Variants in TLN2 observed in about 807,000 individuals in gnomAD.
The protein encoded by TLN2 is talin-2.
In TLN2, 118 loss-of-function variants were observed where a neutral mutation model predicts 294.7. The ratio of observed to expected loss-of-function variants is 0.40; its 90% confidence interval spans 0.34 to 0.47. The LOEUF (loss-of-function observed/expected upper bound fraction) is 0.47, where lower values mean the gene tolerates loss of function less well. TLN2 is among the 20% of genes least tolerant of loss of function. TLN2 has a pLI of 0.84. For synonymous variants in TLN2, 1,431 were observed against 1,304.5 expected, an observed-to-expected ratio of 1.10 and a Z score of -2.09; for missense variants, 3,083 against 3,282.2, an observed-to-expected ratio of 0.94 and a Z score of 1.48.
At chr15:62,622,622 T>C (rs2048930688) in intron 3 of TLN2, among the ~76,000 whole-genome samples, 2 of 152,260 alleles carry the variant, frequency 1.3e-5, no homozygotes, top group African/African-American at 2.4e-5. Context: ...TGAAAAATTT[T>C]ATGTATCCTG....
chr15:62,446,601 C>A (rs1022644378), intron 1 of TLN2, among the ~76,000 whole-genome samples: 1 of 152,168 alleles, frequency 6.6e-6, no homozygotes, highest in Non-Finnish European at 1.5e-5. Context: ...ATCCGTTTTA[C>A]ATCTCTGGAC....
chr15:62,428,417 G>T (rs1432692065), intron 1 of TLN2, among the ~76,000 whole-genome samples: 1 of 152,210 alleles, frequency 6.6e-6, no homozygotes, highest in African/African-American at 2.4e-5. Context: ...TTTGCGTTTA[G>T]TGTAGACGTA....
At chr15:62,718,135 T>C (rs1297686536) in intron 24 of TLN2, among the ~76,000 whole-genome samples, 1 of 152,230 alleles carries the variant, frequency 6.6e-6, no homozygotes, top group Non-Finnish European at 1.5e-5. Flanking sequence ...CTTTGTACTT[T>C]GGTGCTTTTT....
chr15:62,838,070 T>C (rs1001715845), intron 57 of TLN2: 1 of 152,186 alleles, frequency 6.6e-6, no homozygotes, highest in African/African-American at 2.4e-5. Context: ...GCAATAGCCC[T>C]TAAGGAAGAT....
Position 62,644,314 on chromosome 15 carries a change from C to A in TLN2, c.-36-2961C>A, listed in dbSNP as rs536292929. 3.3e-5 allele frequency among the ~76,000 whole-genome samples: 5 copies of A among 152,170 alleles called. No homozygotes were observed. In the East Asian group the frequency reaches 9.7e-4, roughly 30 times the overall value. ...TCCTGGGTTCTACCCTCTGTCTGTT[C>A]TCTTCCCTCACCTACCCCTGTGCCT... On this transcript the variant is annotated intron_variant, in intron 3 of 58. Coordinates refer to ENST00000636159, the MANE Select transcript of TLN2 (RefSeq NM_015059.3).
rs2063435224 is a variant in TLN2 at position 62,772,834 on chromosome 15, T to TTGTA, written c.5367+1702_5367+1705dup. On this transcript the variant is annotated intron_variant, in intron 42 of 58. Transcript: ENST00000636159. ...CCTGCCACCACACCCAGCTAATTTT[T>TTGTA]TGTATTTTTAGTAGAGATGGGGTTT... 3.9e-5 allele frequency among the ~76,000 whole-genome samples: 6 copies of TTGTA among 152,038 alleles called. No homozygotes were observed. The South Asian group carries it at 1.2e-3, about 32-fold the overall frequency.
intron 1 of TLN2, among the ~76,000 whole-genome samples, chr15:62,507,423 T>C (rs764057014): frequency 6.6e-6 from 1 of 152,246 alleles, no homozygotes; most frequent in Admixed American, 6.5e-5. Flanking sequence ...GGGATGTTTA[T>C]ACAGTGAGTC....
chr15:62,464,270 G>T (rs2036980643), intron 1 of TLN2, among the ~76,000 whole-genome samples: 1 of 152,192 alleles, frequency 6.6e-6, no homozygotes, highest in East Asian at 1.9e-4. Context: ...CATGTCCTTT[G>T]CAGGGACATG....
At chr15:62,580,809 A>C (rs1316397034) in intron 1 of TLN2, among the ~76,000 whole-genome samples, 1 of 151,826 alleles carries the variant, frequency 6.6e-6, no homozygotes, top group Non-Finnish European at 1.5e-5. Flanking sequence ...TTCACTGCCC[A>C]AAAAATCCTC....
At chr15:62,703,060 G>T (rs983228626) in intron 19 of TLN2, among the ~76,000 whole-genome samples, 196 bp downstream of exon 19, 8 of 151,704 alleles carry the variant, frequency 5.3e-5, no homozygotes, top group African/African-American at 1.7e-4. Flanking sequence ...TCATTTCACT[G>T]CCACCATGCG....
In TLN2 at chr15:62,716,353, A is replaced by G. The variant is rs141537406; in HGVS notation, c.2657A>G (p.Asn886Ser). ...AAKGAAANPENEDQQQRLREA... is the reference protein window; with the variant it reads ...AAKGAAANPESEDQQQRLREA... ...CAGGGGGCTGCAGCCAACCCAGAGA[A>G]TGAGGACCAGCAGCAAAGGCTGAGA... Residue 886 changes from asparagine to serine, a missense_variant, in exon 23 of 59, where the codon AAT becomes AGT. By Grantham distance (46) the Asn-to-Ser change is conservative. Transcript: ENST00000636159. 1.2e-6 allele frequency: 2 copies of G among 1,608,404 alleles called. No homozygotes were observed. The highest frequency in any genetic ancestry group is 1.3e-5 in the African/African-American group (1 of 74,550).
intron 3 of TLN2, among the ~76,000 whole-genome samples, 151 bp downstream of exon 3, chr15:62,618,626 G>T (rs2048508272): frequency 1.3e-5 from 2 of 152,208 alleles, no homozygotes; most frequent in African/African-American, 2.4e-5. Context: ...AGGAAGGAAT[G>T]ACAGAGTCAG....
chr15:62,600,643 G>A (rs2046917424), intron 2 of TLN2, among the ~76,000 whole-genome samples: 1 of 152,132 alleles, frequency 6.6e-6, no homozygotes, highest in African/African-American at 2.4e-5. Flanking sequence ...TGCCAGATTT[G>A]TTTATTCATA....
rs375725842 is a variant in TLN2 at position 62,713,929 on chromosome 15, A to G, written c.2634+1852A>G. Reference sequence around the variant, plus strand: ...ATATATATATATGCTGTGTGTGTGTATGTGTGTGTGTGTATGTATGTATTG... The same window carrying G: ...ATATATATATATGCTGTGTGTGTGTGTGTGTGTGTGTGTATGTATGTATTG... On this transcript the variant is annotated intron_variant, in intron 22 of 58. Transcript: ENST00000636159. Among the ~76,000 whole-genome samples, 78 of 125,276 alleles carry G rather than the reference A, an allele frequency of 6.2e-4. 1 individual carries two copies. The East Asian group carries it at 0.012, about 20-fold the overall frequency. The allele number at this position is 125,276 out of a possible 152,430, so 82.2% of individuals were successfully genotyped here.
At chr15:62,491,347 T>TAC (rs1345830691) in intron 1 of TLN2, among the ~76,000 whole-genome samples, 242 of 82,280 alleles carry the variant, frequency 2.9e-3, no homozygotes, top group Middle Eastern at 5.1e-3. Context: ...AATATATATA[T>TAC]ATATACACAC....
chr15:62,510,110 G>T lies in TLN2; in HGVS notation c.-237-79577G>T, dbSNP rs2039852685. ...GTGGGGTTTGTTACTGGCAGCCTTA[G>T]TAAAGCATCTTGCAAAACGGGGGCT... On this transcript the variant is annotated intron_variant, in intron 1 of 58. Transcript: ENST00000636159. Among the ~76,000 whole-genome samples, 4 of 152,330 alleles carry T rather than the reference G, an allele frequency of 2.6e-5. No individual in the cohort carries two copies. In the South Asian group the frequency reaches 8.3e-4, roughly 32 times the overall value.
At position 62,833,535 on chromosome 15, in the gene TLN2, A is replaced by C; in HGVS notation, c.7034A>C (p.Gln2345Pro). ...QADETLDFEE[Q>P]ILEAAKSIAA... ...GATGAGACCCTGGACTTTGAGGAAC[A>C]GATCTTGGAAGCTGCTAAATCCATT... Residue 2345 changes from glutamine to proline, a missense_variant, in exon 55 of 59, where the codon CAG (glutamine) becomes CCG (proline). Gln to Pro is a moderately conservative substitution (Grantham distance 76, BLOSUM62 -1). Coordinates refer to ENST00000636159, the MANE Select transcript of TLN2 (RefSeq NM_015059.3). The C allele has an allele frequency of 6.2e-7, 1 of 1,614,188 alleles. No individual in the cohort carries two copies. The highest frequency in any genetic ancestry group is 1.1e-5 in the South Asian group (1 of 91,068).
chr15:62,819,381 T>G (rs2067372450), intron 52 of TLN2, 135 bp from the exon 53 acceptor site: 1 of 693,850 alleles, frequency 1.4e-6, no homozygotes, highest in African/African-American at 1.8e-5. Flanking sequence ...TCCACAAGGC[T>G]CTGAAGTCAC....
At chr15:62,649,063 G>T (rs2052274543) in intron 4 of TLN2, among the ~76,000 whole-genome samples, 1 of 152,112 alleles carries the variant, frequency 6.6e-6, no homozygotes, top group Non-Finnish European at 1.5e-5. Context: ...GCCCAGGCTG[G>T]TCTCATACTC....
Sources: allele counts gnomAD v4.1 joint callset (sites outside exome capture counted in the v4.1 genomes callset), GRCh38; gene constraint gnomAD v4.1.1; transcripts MANE v1.5; gene names NCBI Gene and HGNC (gene_info 2026-07-23, HGNC 2026-07-21).